Variants in ARHGAP44 observed in about 807,000 individuals in gnomAD.
ARHGAP44 encodes the protein rho GTPase-activating protein 44.
Under a neutral mutation model 106.8 loss-of-function variants are expected in ARHGAP44, and 43 were observed. The ratio of observed to expected loss-of-function variants is 0.40; its 90% CI spans 0.32 to 0.52. The LOEUF (loss-of-function observed/expected upper bound fraction) is 0.52. ARHGAP44 is among the 20% of genes least tolerant of loss of function. The pLI, the probability that ARHGAP44 is intolerant of heterozygous loss-of-function variation, is 0.48. For synonymous variants in ARHGAP44, 439 were observed against 410.3 expected (o/e 1.07, Z -0.85); for missense variants, 866 against 1,050.5 (o/e 0.82, Z 2.43).
chr17:12,987,494 G>C (rs1035636325), intron 20 of ARHGAP44: 1 of 204,536 alleles, frequency 4.9e-6, no homozygotes, highest in Admixed American at 5.6e-5. Context: ...TCTGTTCTTC[G>C]TGTGAGACTT....
chr17:12,949,819 T>C lies in ARHGAP44; in HGVS notation c.1055+89T>C. 1 of 1,299,690 alleles carries C rather than the reference T, an allele frequency of 7.7e-7. No homozygotes were observed. The highest frequency in any genetic ancestry group is 2.3e-5 in the East Asian group (1 of 42,936). The allele number at this position is 1,299,690 out of a possible 1,614,324, so 80.5% of individuals were successfully genotyped here. On this transcript the variant is annotated intron_variant, in intron 12 of 20. Transcript: ENST00000379672. The surrounding 1 kb of genome is among the most constrained non-coding windows in gnomAD (Gnocchi z 4.1). The stretch of plus-strand genomic sequence containing the variant: ...TTATAGAAGCATGTAACCTATGATC[T>C]CGCAACCCCGTTTCTTGATCTCTGC...
At chr17:12,858,159 A>G (rs1393716839) in intron 1 of ARHGAP44, among the ~76,000 whole-genome samples, 1 of 152,228 alleles carries the variant, frequency 6.6e-6, no homozygotes, top group Non-Finnish European at 1.5e-5. Flanking sequence ...GTGGGCACAG[A>G]AATCCTGTGA....
chr17:12,970,936 A>ATCTTG (rs2039514399), intron 16 of ARHGAP44, among the ~76,000 whole-genome samples: 1 of 152,172 alleles, frequency 6.6e-6, no homozygotes, highest in South Asian at 2.1e-4. Context: ...AGGTAAATGC[A>ATCTTG]CTTTTAGGCT....
intron 1 of ARHGAP44, among the ~76,000 whole-genome samples, chr17:12,854,627 G>T (rs566169687): frequency 1.3e-5 from 2 of 152,278 alleles, no homozygotes; most frequent in East Asian, 3.9e-4. Flanking sequence ...TCAGGTCACA[G>T]AACAGTGCAG....
intron 1 of ARHGAP44, among the ~76,000 whole-genome samples, chr17:12,855,340 C>T (rs1379665753): frequency 6.6e-6 from 1 of 152,116 alleles, no homozygotes; most frequent in Non-Finnish European, 1.5e-5. Flanking sequence ...TATTTTCTTC[C>T]AGTCTATTGT....
At chr17:12,938,577 T>C (rs2038614481) in intron 7 of ARHGAP44, among the ~76,000 whole-genome samples, 3 of 83,810 alleles carry the variant, frequency 3.6e-5, no homozygotes, top group Non-Finnish European at 6.9e-5. Flanking sequence ...TGGTTAGCTA[T>C]ATATTAAAAA....
rs1198443695 is a variant in ARHGAP44, at chr17:12,949,156, C to T, written c.878C>T (p.Ala293Val). 3 of 1,573,052 alleles carry T rather than the reference C, an allele frequency of 1.9e-6. No individual in the cohort carries two copies. Among genetic ancestry groups the T allele is most frequent in the African/African-American group, 2.7e-5 (2 of 73,852 alleles). The stretch of plus-strand genomic sequence containing the variant: ...TGTTGGTAGGGACTCTTCCGAGTAG[C>T]CCCCTCTGCCTCCAAACTGAAGAAG... The part of the protein sequence containing the change: ...GMQEEGLFRV[A>V]PSASKLKKLK... The change falls in exon 11 of 21, where the codon GCC (alanine) becomes GTC (valine). Residue 293 changes from alanine (A) to valine (V), a missense_variant. Physicochemically the swap from Ala to Val is moderately conservative, Grantham distance 64 (BLOSUM62 0). This residue lies in a region of ARHGAP44 where 448 missense variants were observed against 646.9 expected (regional missense o/e 0.69). Transcript: ENST00000379672. This position sits in a 1 kb window ranked among gnomAD's most constrained non-coding sequence, Gnocchi z 4.1.
rs1347989280 is a variant in ARHGAP44 at position 12,906,683 on chromosome 17, C to G, written c.199-2214C>G. 3.3e-5 allele frequency among the ~76,000 whole-genome samples: 5 copies of G among 152,128 alleles called. No homozygotes were observed. In the East Asian group the frequency reaches 9.7e-4, roughly 30 times the overall value. On this transcript the variant is annotated intron_variant, in intron 3 of 20. Coordinates refer to ENST00000379672, the MANE Select transcript of ARHGAP44 (RefSeq NM_014859.6). ...GGTGTGGTGGTTAACACCTGCAATCCCAGCACTTTGGGAGGCCAAAGCAGG... is the reference window on the plus strand; with the variant it reads ...GGTGTGGTGGTTAACACCTGCAATCGCAGCACTTTGGGAGGCCAAAGCAGG...
chr17:12,871,864 T>G (rs2036416769), intron 1 of ARHGAP44, among the ~76,000 whole-genome samples: 1 of 152,132 alleles, frequency 6.6e-6, no homozygotes, highest in Non-Finnish European at 1.5e-5. Flanking sequence ...GATTGTAAGT[T>G]TCCTGAAGCC....
chr17:12,846,113 C>G (rs1447433132), intron 1 of ARHGAP44, among the ~76,000 whole-genome samples: 1 of 147,380 alleles, frequency 6.8e-6, no homozygotes, highest in Non-Finnish European at 1.5e-5. Context: ...AAAAAAAATA[C>G]AGCTGGCAAA....
chr17:12,986,892 G>A, intron 20 of ARHGAP44: 1 of 567,266 alleles, frequency 1.8e-6, no homozygotes, highest in Non-Finnish European at 3.1e-6. Flanking sequence ...CCCTCGCCCT[G>A]TGCGGACCCT....
intron 16 of ARHGAP44, among the ~76,000 whole-genome samples, chr17:12,966,964 T>C (rs919379851): frequency 6.6e-6 from 1 of 152,178 alleles, no homozygotes; most frequent in Admixed American, 6.5e-5. Flanking sequence ...AAGTGTATTC[T>C]ACCTATAGAT....
At chr17:12,968,777 T>C (rs149501019) in intron 16 of ARHGAP44, among the ~76,000 whole-genome samples, 2,404 of 150,844 alleles carry the variant, frequency 0.016, 61 homozygotes, top group African/African-American at 0.055. Context: ...CTTTTCTTTT[T>C]TTTTTTTTTT....
At chr17:12,869,453 C>T (rs890426203) in intron 1 of ARHGAP44, among the ~76,000 whole-genome samples, 41 of 151,484 alleles carry the variant, frequency 2.7e-4, no homozygotes, top group African/African-American at 9.5e-4. Flanking sequence ...TTTATTTTTA[C>T]AACTGGAAAA....
intron 1 of ARHGAP44, among the ~76,000 whole-genome samples, chr17:12,811,066 A>G (rs1175864208): frequency 6.6e-6 from 1 of 152,144 alleles, no homozygotes; most frequent in African/African-American, 2.4e-5. Context: ...TAATCCCAGC[A>G]CTTTAGGAGG....
chr17:12,972,781 C>T (rs2039562506), intron 16 of ARHGAP44, among the ~76,000 whole-genome samples: 1 of 151,554 alleles, frequency 6.6e-6, no homozygotes, highest in East Asian at 2.0e-4. Flanking sequence ...CCTGCCTCAG[C>T]CTCCCGAATA....
chr17:12,834,203 C>T (rs540922057), intron 1 of ARHGAP44, among the ~76,000 whole-genome samples: 2 of 152,188 alleles, frequency 1.3e-5, no homozygotes, highest in African/African-American at 2.4e-5. Flanking sequence ...AGCTGCTCCT[C>T]TCTCCCCTCT....
chr17:12,973,196 A>G lies in ARHGAP44; in HGVS notation c.1524-106A>G, dbSNP rs2039573020. The G allele has an allele frequency of 1.1e-5, 13 of 1,175,088 alleles. No homozygotes were observed. The South Asian group carries it at 1.8e-4, about 17-fold the overall frequency. The allele number at this position is 1,175,088 out of a possible 1,614,324, so 72.8% of individuals were successfully genotyped here. On this transcript the variant is annotated intron_variant, in intron 16 of 20. Coordinates refer to ENST00000379672, the MANE Select transcript of ARHGAP44 (RefSeq NM_014859.6). ...ATAGCACAATAAAAATCCCACCCCA[A>G]GACCCTGGACCATGGAGAGAGACCC...
intron 7 of ARHGAP44, among the ~76,000 whole-genome samples, chr17:12,932,510 A>G (rs1455976914): frequency 1.3e-5 from 2 of 152,218 alleles, no homozygotes; most frequent in African/African-American, 4.8e-5. Context: ...ATCTGCCATT[A>G]AAAATTTAAT....
Sources: gnomAD v4.1 joint callset for allele counts (sites outside exome capture counted in the v4.1 genomes callset) on GRCh38, gnomAD v4.1.1 for gene constraint, gnomAD v4.1.1 regional missense constraint, Gnocchi (gnomAD v3.1) non-coding constraint, MANE v1.5 for transcripts, NCBI Gene and HGNC (gene_info 2026-07-23, HGNC 2026-07-21) for gene names.